FNDC7: variants seen among roughly 807,000 people sequenced by gnomAD.
FNDC7 encodes the protein fibronectin type III domain containing 7.
A neutral mutation model predicts 74.2 loss-of-function variants in FNDC7; 66 were observed. The observed-to-expected ratio is 0.89, with a 90% CI of 0.73 to 1.09. FNDC7 has a LOEUF of 1.09. Among genes scored for constraint, FNDC7 ranks in the 50% least tolerant of loss-of-function variants. The pLI, the probability that FNDC7 is intolerant of heterozygous loss-of-function variation, is 0.00. For synonymous variants in FNDC7, 307 were observed against 330.2 expected (o/e 0.93, Z 0.76); for missense variants, 829 against 893.4 (o/e 0.93, Z 0.92).
intron 4 of FNDC7, among the ~76,000 whole-genome samples, chr1:108,720,040 G>A (rs957972599): frequency 6.6e-6 from 1 of 152,150 alleles, no homozygotes; most frequent in African/African-American, 2.4e-5. Flanking sequence ...CCCTAGGGAG[G>A]TAGTATAATC....
At chr1:108,726,122 A>G in intron 6 of FNDC7, 118 bp downstream of exon 6, 1 of 1,291,612 alleles carries the variant, frequency 7.7e-7, no homozygotes, top group Non-Finnish European at 1.1e-6. Context: ...AGCCAAGAAC[A>G]GAAAGTAATC....
At chr1:108,713,283 A>C (rs1280704318) in intron 1 of FNDC7, among the ~76,000 whole-genome samples, 2 of 152,330 alleles carry the variant, frequency 1.3e-5, no homozygotes, top group South Asian at 4.1e-4. Flanking sequence ...AAAATGAAAT[A>C]GTAATGGGAT....
intron 6 of FNDC7, 76 bp downstream of exon 6, chr1:108,726,080 C>T: frequency 2.0e-6 from 3 of 1,519,230 alleles, no homozygotes; most frequent in Non-Finnish European, 1.8e-6. Flanking sequence ...ACCTATTCCA[C>T]TTATTGACTT....
rs778768706 is a variant in FNDC7, at chr1:108,718,023, C to A, written c.329C>A (p.Ala110Glu). The A allele has an allele frequency of 6.4e-7, 1 of 1,551,468 alleles. No individual in the cohort carries two copies. Among genetic ancestry groups the A allele is most frequent in the African/African-American group, 1.4e-5 (1 of 73,168 alleles). The part of the protein sequence containing the change: ...GRSQASPPKQ[A>E]KTVLAAPILE... ...AGCCAGGCGTCACCTCCAAAGCAGG[C>A]AAAGACAGGTGGCTGGATGGATGCT... The change falls in exon 3 of 13, where the codon GCA becomes GAA. Residue 110 changes from alanine to glutamate, a missense_variant. Transcript: ENST00000370017.
At chr1:108,719,098 A>T (rs929719454) in intron 4 of FNDC7, 49 bp downstream of exon 4, 29 of 1,545,136 alleles carry the variant, frequency 1.9e-5, no homozygotes, top group Non-Finnish European at 2.5e-5. Context: ...TTGATTAATG[A>T]GGGGGGCTGT....
rs1184441665 is a variant in FNDC7, at chr1:108,725,725, A to G, written c.857-25A>G. Reference sequence around the variant, plus strand: ...GAAGAAAATCTCCTGCAGTAGTCTCATGTTTATTATTGATCATTTCCTAGT... The same window carrying G: ...GAAGAAAATCTCCTGCAGTAGTCTCGTGTTTATTATTGATCATTTCCTAGT... On this transcript the variant is annotated intron_variant, in intron 5 of 12. Transcript: ENST00000370017. 4 of 1,603,764 alleles carry G rather than the reference A, an allele frequency of 2.5e-6. No individual in the cohort carries two copies. The Admixed American group carries it at 6.8e-5, about 27-fold the overall frequency.
Position 108,725,774 on chromosome 1 carries a change from C to T in FNDC7, c.881C>T (p.Thr294Met), listed in dbSNP as rs755840428. The change falls in exon 6 of 13, where the codon ACG becomes ATG. Residue 294 changes from threonine (T) to methionine (M), a missense_variant. By Grantham distance (81) the Thr-to-Met change is moderately conservative (BLOSUM62 -1). Transcript: ENST00000370017. ...KTVACAPGRV[T>M]IQEDPPGHLS... ...GTTGCTTGTGCACCCGGAAGAGTGA[C>T]GATCCAAGAAGATCCCCCTGGCCAC... The T allele has an allele frequency of 3.0e-5, 49 of 1,613,946 alleles. No homozygotes were observed. Among genetic ancestry groups the T allele is most frequent in the South Asian group, 1.3e-4 (12 of 91,070 alleles).
intron 10 of FNDC7, chr1:108,734,590 G>C (rs1252735601): frequency 6.6e-6 from 1 of 152,204 alleles, no homozygotes; most frequent in African/African-American, 2.4e-5. Context: ...GGTGACAGGA[G>C]GTTCAGGATG....
chr1:108,719,338 G>A (rs1456670789), intron 4 of FNDC7, among the ~76,000 whole-genome samples: 2 of 152,172 alleles, frequency 1.3e-5, no homozygotes, highest in Non-Finnish European at 2.9e-5. Context: ...AAAAGAAGAT[G>A]ATTCTTGTTA....
In FNDC7 at chr1:108,720,822, CTTACCTGA is replaced by C. The variant is rs1426260736; in HGVS notation, c.599-1508_599-1501del. 3.3e-5 allele frequency among the ~76,000 whole-genome samples: 5 copies of C among 152,348 alleles called. No homozygotes were observed. In the East Asian group the frequency reaches 9.6e-4, roughly 29 times the overall value. On this transcript the variant is annotated intron_variant, in intron 4 of 12. Coordinates refer to ENST00000370017, the MANE Select transcript of FNDC7 (RefSeq NM_001144937.3). Reference sequence around the variant, plus strand: ...TGAGGGCCCACCCTAATGATCTCATCTTACCTGATTACATCTGCTATGACCCTATTTCC... The same window carrying C: ...TGAGGGCCCACCCTAATGATCTCATCTTACATCTGCTATGACCCTATTTCC...
intron 8 of FNDC7, among the ~76,000 whole-genome samples, chr1:108,729,480 C>T (rs1372476801): frequency 3.3e-5 from 5 of 151,058 alleles, no homozygotes; most frequent in African/African-American, 7.3e-5. Flanking sequence ...ACCCAGCAAG[C>T]GGAGCTTGCA....
intron 9 of FNDC7, among the ~76,000 whole-genome samples, chr1:108,732,437 A>C (rs1451156745): frequency 6.6e-6 from 1 of 152,134 alleles, no homozygotes; most frequent in Non-Finnish European, 1.5e-5. Flanking sequence ...GGCTGCACCT[A>C]AAGTGTCATA....
At chr1:108,730,107 G>A (rs1004319353) in intron 8 of FNDC7, among the ~76,000 whole-genome samples, 1 of 152,148 alleles carries the variant, frequency 6.6e-6, no homozygotes, top group African/African-American at 2.4e-5. Flanking sequence ...GGCCGGGCAT[G>A]GTGGCTCATG....
intron 11 of FNDC7, among the ~76,000 whole-genome samples, chr1:108,740,682 C>G (rs74713565): frequency 0.019 from 2,841 of 152,214 alleles, 43 homozygotes; most frequent in Admixed American, 0.034. Context: ...ATCACTTGCT[C>G]TTAGTCAAGT....
At chr1:108,727,745 A>G in intron 6 of FNDC7, 63 bp from the exon 7 acceptor site, 1 of 1,583,402 alleles carries the variant, frequency 6.3e-7, no homozygotes, top group East Asian at 2.2e-5. Context: ...GTCAGGACAC[A>G]GTGTACCCCC....
chr1:108,718,300 G>A (rs1225194296), intron 3 of FNDC7, among the ~76,000 whole-genome samples: 2 of 152,206 alleles, frequency 1.3e-5, no homozygotes, highest in African/African-American at 4.8e-5. Flanking sequence ...CTGAAATAGG[G>A]ATTTCTGGTT....
intron 8 of FNDC7, among the ~76,000 whole-genome samples, chr1:108,730,173 T>C (rs1394124922): frequency 6.6e-6 from 1 of 151,938 alleles, no homozygotes; most frequent in African/African-American, 2.4e-5. Context: ...GGTCAAGAGA[T>C]TGAGACCATC....
chr1:108,719,062 C>T lies in FNDC7; in HGVS notation c.598+13C>T. The T allele has an allele frequency of 1.9e-6, 3 of 1,551,740 alleles. No individual in the cohort carries two copies. Among genetic ancestry groups the T allele is most frequent in the Non-Finnish European group, 1.7e-6 (2 of 1,146,836 alleles). ...AATCAGAGAACAAGTAAGAACTTCT[C>T]AGCTCAGCCTCGAACAATTCTACTT... On this transcript the variant is annotated intron_variant, in intron 4 of 12. Coordinates refer to ENST00000370017, the MANE Select transcript of FNDC7 (RefSeq NM_001144937.3).
chr1:108,715,063 C>A (rs1167216771), intron 2 of FNDC7, among the ~76,000 whole-genome samples: 1 of 152,132 alleles, frequency 6.6e-6, no homozygotes, highest in Admixed American at 6.6e-5. Context: ...ACTGATGCTG[C>A]TGCTAATTGA....
Sources: allele counts gnomAD v4.1 joint callset (sites outside exome capture counted in the v4.1 genomes callset), GRCh38; gene constraint gnomAD v4.1.1; transcripts MANE v1.5; gene names NCBI Gene and HGNC (gene_info 2026-07-23, HGNC 2026-07-21).